The following PIN4 variants were observed in gnomAD, a reference collection of about 807,000 sequenced individuals.
PIN4 encodes peptidyl-prolyl cis-trans isomerase NIMA-interacting 4.
In PIN4, 3 loss-of-function variants were observed where a neutral mutation model predicts 8.3. The observed-to-expected ratio is 0.36, with a 90% CI of 0.16 to 0.93. The LOEUF (loss-of-function observed/expected upper bound fraction) is 0.93, where lower values mean the gene tolerates loss of function less well. Ranked by LOEUF, PIN4 falls within the 40% of genes least tolerant of loss-of-function variation. PIN4 has a pLI of 0.44. For synonymous variants in PIN4, 18 were observed against 32.5 expected (o/e 0.55, Z 1.52); for missense variants, 75 against 100.6 (o/e 0.75, Z 1.09).
intron 3 of PIN4, among the ~76,000 whole-genome samples, chrX:72,246,330 G>A (rs900279762): frequency 2.7e-5 from 3 of 111,696 alleles, no homozygotes; most frequent in South Asian, 3.7e-4. Flanking sequence ...CTGCCACCAC[G>A]GTAGTCTATG....
rs756533210 is a variant in PIN4 at position 72,232,079 on chromosome X, T to C, written c.313-30628T>C. The stretch of plus-strand genomic sequence containing the variant: ...AGATGACAGAGCGAGACCCTGTCTC[T>C]AAAAAAACAGAAATAAAACTGTACT... On this transcript the variant is annotated intron_variant, in intron 3 of 3. Transcript: ENST00000423432. Among the ~76,000 whole-genome samples, 82 of 108,846 alleles carry C rather than the reference T, an allele frequency of 7.5e-4. 1 individual carries two copies. The highest frequency in any genetic ancestry group is 2.7e-3 in the African/African-American group (81 of 29,914). The allele number at this position is 108,846 out of a possible 115,157, so 94.5% of individuals were successfully genotyped here. A position where few individuals can be genotyped will look rare whatever the true frequency, so the allele number is the denominator to read the frequency against.
At chrX:72,256,111 C>T (rs1332222600) in intron 3 of PIN4, 1 of 111,750 alleles carries the variant, frequency 8.9e-6, no homozygotes, top group Non-Finnish European at 1.9e-5. Context: ...TACTAAGCAC[C>T]TACTATATGT....
chrX:72,196,896 A>T lies in PIN4; in HGVS notation c.229A>T (p.Arg77Trp). 1.1e-5 allele frequency: 13 copies of T among 1,192,120 alleles called. No homozygotes were observed. The highest frequency in any genetic ancestry group is 1.5e-5 in the Non-Finnish European group (13 of 885,551). Reference sequence around the variant, plus strand: ...CGCACAGTATAGTGAAGATAAAGCCAGGCAAGGGGTATGTTGCTCTTATTA... The same window carrying T: ...CGCACAGTATAGTGAAGATAAAGCCTGGCAAGGGGTATGTTGCTCTTATTA... The part of the protein sequence containing the change: ...VAAQYSEDKA[R>W]QGGDLGWMTR... The change falls in exon 3 of 4, where the codon AGG becomes TGG. Residue 77 changes from arginine (R) to tryptophan (W), a missense_variant. By Grantham distance (101) the Arg-to-Trp change is moderately radical. Transcript: ENST00000373669.
chrX:72,262,222 C>T (rs574589413), intron 3 of PIN4, among the ~76,000 whole-genome samples: 7 of 112,488 alleles, frequency 6.2e-5, no homozygotes, highest in South Asian at 3.7e-4. Flanking sequence ...AAGTTCTTAG[C>T]GCTCTGCTGA....
rs774840295 is a variant in PIN4, at chrX:72,236,485, G to A, written c.313-26222G>A. On this transcript the variant is annotated intron_variant, in intron 3 of 3. Transcript: ENST00000423432. Reference sequence around the variant, plus strand: ...TAATTTTTGTATTTTTAGTAGAGACGGGGCTTCACCATGTTGTCCAGACTG... The same window carrying A: ...TAATTTTTGTATTTTTAGTAGAGACAGGGCTTCACCATGTTGTCCAGACTG... Among the ~76,000 whole-genome samples, 7 of 110,707 alleles carry A rather than the reference G, an allele frequency of 6.3e-5. 1 individual carries two copies. The South Asian group carries it at 2.7e-3, about 42-fold the overall frequency.
chrX:72,191,219 C>T (rs1232388743), intron 2 of PIN4, among the ~76,000 whole-genome samples: 1 of 110,772 alleles, frequency 9.0e-6, no homozygotes, highest in Admixed American at 9.7e-5. Flanking sequence ...AGACCAACTG[C>T]ATCAGAATCT....
Position 72,235,700 on chromosome X carries a change from C to T in PIN4, c.313-27007C>T, listed in dbSNP as rs190928631. On this transcript the variant is annotated intron_variant, in intron 3 of 3. Coordinates refer to the PIN4 transcript ENST00000423432. The stretch of plus-strand genomic sequence containing the variant: ...GAGCCACCACACCCAGCCCCTCTTC[C>T]ACTTTTAAGCACCCTGTGATTACAC... Among the ~76,000 whole-genome samples, 21 of 111,960 alleles carry T rather than the reference C, an allele frequency of 1.9e-4. No homozygotes were observed. In the East Asian group the frequency reaches 5.1e-3, roughly 27 times the overall value.
At chrX:72,226,810 T>C (rs924955510) in intron 3 of PIN4, among the ~76,000 whole-genome samples, 3 of 111,673 alleles carry the variant, frequency 2.7e-5, no homozygotes, top group African/African-American at 9.8e-5. Flanking sequence ...CAAACCCCCA[T>C]ACTGCTTTGT....
At chrX:72,185,955 T>G (rs1188982046) in intron 1 of PIN4, among the ~76,000 whole-genome samples, 1 of 112,357 alleles carries the variant, frequency 8.9e-6, no homozygotes, top group Non-Finnish European at 1.9e-5. Flanking sequence ...TTAAATTGGA[T>G]GCAAAGAATC....
chrX:72,242,076 C>T (rs1014547575), intron 3 of PIN4, among the ~76,000 whole-genome samples: 7 of 111,440 alleles, frequency 6.3e-5, no homozygotes, highest in East Asian at 2.8e-4. Context: ...CGCTCATATC[C>T]GGGGAATTGT....
In PIN4 at chrX:72,196,672, A is replaced by G. The variant is rs934278673; in HGVS notation, c.118-113A>G. On this transcript the variant is annotated intron_variant, in intron 2 of 3. Coordinates refer to ENST00000373669, the MANE Select transcript of PIN4 (RefSeq NM_006223.4). ...CAAACTTCCAGGATTTTTACTTGCT[A>G]TGAACTAATGTGTTTTTTTTTTAAC... 8.4e-6 allele frequency: 5 copies of G among 595,495 alleles called. No individual in the cohort carries two copies. The East Asian group carries it at 1.1e-4, about 13-fold the overall frequency. 49.1% of individuals were successfully genotyped at this position (595,495 alleles called of 1,213,427 possible). A position where few individuals can be genotyped will look rare whatever the true frequency, so the allele number is the denominator to read the frequency against.
At chrX:72,258,916 A>G (rs1421282808) in intron 3 of PIN4, among the ~76,000 whole-genome samples, 1 of 108,850 alleles carries the variant, frequency 9.2e-6, no homozygotes, top group Non-Finnish European at 1.9e-5. Context: ...CAAACTGTAA[A>G]GAGGGTAAGA....
rs1403413347 is a variant in PIN4 at position 72,198,030 on chromosome X, G to A, written c.*504G>A. The A allele has an allele frequency of 6.7e-6, 5 of 741,169 alleles. No individual in the cohort carries two copies. The highest frequency in any genetic ancestry group is 8.7e-5 in the Admixed American group (1 of 11,479). 61.1% of individuals were successfully genotyped at this position (741,169 alleles called of 1,213,427 possible). A position where few individuals can be genotyped will look rare whatever the true frequency, so the allele number is the denominator to read the frequency against. On this transcript the variant is annotated 3_prime_UTR_variant, in exon 4 of 4. Transcript: ENST00000373669. ...ACTGTCTTAACATAGTACGTGGCAC[G>A]TTATGCCTTTCAGTGTTAACTCCTT...
rs1378857601 is a variant in PIN4 at position 72,255,278 on chromosome X, A to ATAATAG, written c.313-7424_313-7423insGTAATA. ...GAGCAAGACCCCATCTCTAAAAATA[A>ATAATAG]TAATAATAATAATAATAATAATAAT... On this transcript the variant is annotated intron_variant, in intron 3 of 3. Transcript: ENST00000423432. Among the ~76,000 whole-genome samples, 349 of 102,375 alleles carry ATAATAG rather than the reference A, an allele frequency of 3.4e-3. 2 individuals carry two copies. Among genetic ancestry groups the ATAATAG allele is most frequent in the African/African-American group, 0.012 (338 of 27,434 alleles). 88.9% of individuals were successfully genotyped at this position (102,375 alleles called of 115,157 possible).
At chrX:72,204,115 G>GTACTC (rs2042802836) in intron 3 of PIN4, among the ~76,000 whole-genome samples, 1 of 112,223 alleles carries the variant, frequency 8.9e-6, no homozygotes, top group African/African-American at 3.2e-5. Flanking sequence ...TTCCAGTTTA[G>GTACTC]TACTCTATCC....
chrX:72,227,483 C>G (rs1197264935), intron 3 of PIN4, among the ~76,000 whole-genome samples: 1 of 112,139 alleles, frequency 8.9e-6, no homozygotes, highest in African/African-American at 3.2e-5. Context: ...CACATAAACC[C>G]TTAATGCTCA....
At chrX:72,222,595 C>CTTTT (rs758259884) in intron 3 of PIN4, among the ~76,000 whole-genome samples, 1 of 85,041 alleles carries the variant, frequency 1.2e-5, no homozygotes, top group South Asian at 6.0e-4. Flanking sequence ...AGAATCCAGC[C>CTTTT]TTTTTTTTTT....
chrX:72,212,598 C>T (rs2042861920), intron 3 of PIN4, among the ~76,000 whole-genome samples: 2 of 112,035 alleles, frequency 1.8e-5, no homozygotes, highest in South Asian at 7.3e-4. Context: ...ACTTGATTTT[C>T]CTTGCTATGG....
chrX:72,247,051 A>T (rs1295394769), intron 3 of PIN4, among the ~76,000 whole-genome samples: 2 of 112,028 alleles, frequency 1.8e-5, no homozygotes, highest in Non-Finnish European at 3.8e-5. Flanking sequence ...CCTAAAGGAG[A>T]GCACTGTGTG....
Sources: gnomAD v4.1 joint callset for allele counts (sites outside exome capture counted in the v4.1 genomes callset) on GRCh38, gnomAD v4.1.1 for gene constraint, MANE v1.5 for transcripts, NCBI Gene and HGNC (gene_info 2026-07-23, HGNC 2026-07-21) for gene names.